Variants in DLGAP2 observed in about 807,000 individuals in gnomAD.
The protein encoded by DLGAP2 is disks large-associated protein 2.
Under a neutral mutation model 100.3 loss-of-function variants are expected in DLGAP2, and 26 were observed. The observed-to-expected ratio is 0.26, with a 90% CI of 0.19 to 0.36. DLGAP2 has a LOEUF of 0.36. DLGAP2 is among the 10% of genes least tolerant of loss of function. The pLI, the probability that DLGAP2 is intolerant of heterozygous loss-of-function variation, is 1.00. For synonymous variants in DLGAP2, 886 were observed against 630.1 expected, an observed-to-expected ratio of 1.41 and a Z score of -6.08; for missense variants, 1,858 against 1,453.2, an observed-to-expected ratio of 1.28 and a Z score of -4.53.
At chr8:787,629 C>G (rs1377785229) in intron 1 of DLGAP2, among the ~76,000 whole-genome samples, 3 of 152,298 alleles carry the variant, frequency 2.0e-5, no homozygotes, top group Middle Eastern at 6.8e-3. Context: ...TCAGGTTCCA[C>G]CAGCCGGTGG....
At chr8:1,117,808 T>C (rs1311729315) in intron 2 of DLGAP2, among the ~76,000 whole-genome samples, 1 of 151,922 alleles carries the variant, frequency 6.6e-6, no homozygotes, top group Non-Finnish European at 1.5e-5. Context: ...TGACACTCAC[T>C]TGGGCTCAGA....
chr8:1,650,970 T>G (rs1798148057), intron 8 of DLGAP2, among the ~76,000 whole-genome samples: 1 of 152,194 alleles, frequency 6.6e-6, no homozygotes, highest in African/African-American at 2.4e-5. Flanking sequence ...TTCCTGCCAT[T>G]GCTGCTGCTT....
At chr8:1,650,400 C>G (rs1003238400) in intron 8 of DLGAP2, among the ~76,000 whole-genome samples, 1 of 152,180 alleles carries the variant, frequency 6.6e-6, no homozygotes, top group South Asian at 2.1e-4. Flanking sequence ...AAATTGCTGT[C>G]TCTTCTAAAT....
At chr8:1,451,590 C>T (rs1037727596) in intron 3 of DLGAP2, among the ~76,000 whole-genome samples, 4 of 152,136 alleles carry the variant, frequency 2.6e-5, no homozygotes, top group Non-Finnish European at 5.9e-5. Context: ...ACCTGTTCCG[C>T]CTCCATCACA....
intron 2 of DLGAP2, among the ~76,000 whole-genome samples, chr8:1,201,856 C>G (rs6987953): frequency 6.6e-6 from 1 of 151,864 alleles, no homozygotes; most frequent in Non-Finnish European, 1.5e-5. Context: ...TGTATGTGTA[C>G]GGTATCTATC....
chr8:1,386,694 G>A (rs1007490526), intron 3 of DLGAP2, among the ~76,000 whole-genome samples: 18 of 152,160 alleles, frequency 1.2e-4, no homozygotes, highest in Non-Finnish European at 2.9e-5. Flanking sequence ...CAGGAACCAG[G>A]GATTCAGCCA....
chr8:1,644,388 G>C (rs1014110767), intron 8 of DLGAP2, among the ~76,000 whole-genome samples: 1 of 152,132 alleles, frequency 6.6e-6, no homozygotes, highest in African/African-American at 2.4e-5. Context: ...CTGCCCTCTC[G>C]CTCCCACCCG....
intron 3 of DLGAP2, among the ~76,000 whole-genome samples, chr8:1,444,116 C>G (rs946561387): frequency 3.3e-5 from 5 of 152,062 alleles, no homozygotes; most frequent in African/African-American, 1.2e-4. Context: ...CTTTTTGTCT[C>G]TCTCCGTTGC....
chr8:1,087,806 C>A (rs1804025494), intron 2 of DLGAP2, among the ~76,000 whole-genome samples: 1 of 152,202 alleles, frequency 6.6e-6, no homozygotes, highest in African/African-American at 2.4e-5. Flanking sequence ...TCCTGACCCT[C>A]CTGCTCCCTC....
chr8:1,299,011 G>A (rs928830657), intron 3 of DLGAP2, among the ~76,000 whole-genome samples: 2 of 152,218 alleles, frequency 1.3e-5, no homozygotes, highest in African/African-American at 4.8e-5. Flanking sequence ...AGGGAGCAAA[G>A]GTGGGCAAAG....
intron 3 of DLGAP2, among the ~76,000 whole-genome samples, chr8:1,429,822 TA>T (rs1043638548): frequency 6.7e-6 from 1 of 149,828 alleles, no homozygotes; most frequent in African/African-American, 2.5e-5. Flanking sequence ...TTTCTGTCCT[TA>T]AAAAAAATAA....
rs1050141003 is a variant in DLGAP2 at position 1,703,199 on chromosome 8, C to T, written c.*1793C>T. 3.9e-5 allele frequency: 6 copies of T among 152,502 alleles called. No homozygotes were observed. The highest frequency in any genetic ancestry group is 1.4e-4 in the African/African-American group (6 of 41,384). The allele number at this position is 152,502 out of a possible 1,614,324, so 9.4% of individuals were successfully genotyped here. ...TTAAGAATTCCCTGTAAAAACAAAA[C>T]CCTGTAAATTGAGCCTCATGTCTGG... On this transcript the variant is annotated 3_prime_UTR_variant, in exon 15 of 15. Transcript: ENST00000637795.
intron 1 of DLGAP2, among the ~76,000 whole-genome samples, chr8:905,464 C>T (rs1162260237): frequency 6.6e-6 from 1 of 152,158 alleles, no homozygotes; most frequent in Non-Finnish European, 1.5e-5. Context: ...CCCCCACAGC[C>T]CTTTTTCAAA....
chr8:882,940 C>G (rs1183583425), intron 1 of DLGAP2, among the ~76,000 whole-genome samples: 2 of 152,232 alleles, frequency 1.3e-5, no homozygotes, highest in African/African-American at 2.4e-5. Flanking sequence ...GGTAACTACT[C>G]AGGATTAATG....
intron 8 of DLGAP2, among the ~76,000 whole-genome samples, chr8:1,651,637 T>G (rs4398948): frequency 6.6e-6 from 1 of 152,032 alleles, no homozygotes; most frequent in Admixed American, 6.5e-5. Flanking sequence ...ACAGCTCCAA[T>G]GGCTTAAGCC....
intron 2 of DLGAP2, among the ~76,000 whole-genome samples, chr8:923,356 T>G (rs1289448102): frequency 1.3e-5 from 2 of 152,364 alleles, no homozygotes; most frequent in Admixed American, 1.3e-4. Flanking sequence ...TAGGAATGCG[T>G]GGAGGAAGAC....
At chr8:1,313,048 G>C (rs976863365) in intron 3 of DLGAP2, among the ~76,000 whole-genome samples, 2 of 152,186 alleles carry the variant, frequency 1.3e-5, no homozygotes, top group African/African-American at 2.4e-5. Flanking sequence ...ACATGTGCCT[G>C]CCGGCCACTG....
chr8:923,088 C>T (rs1326291865), intron 2 of DLGAP2, among the ~76,000 whole-genome samples: 1 of 152,022 alleles, frequency 6.6e-6, no homozygotes, highest in Non-Finnish European at 1.5e-5. Context: ...GGTGGGTGTT[C>T]CCTGACTGCA....
intron 8 of DLGAP2, among the ~76,000 whole-genome samples, chr8:1,654,059 C>A (rs990719735): frequency 6.6e-6 from 1 of 152,154 alleles, no homozygotes; most frequent in Non-Finnish European, 1.5e-5. Flanking sequence ...TAAAAATAAA[C>A]TCTCATCATC....
Sources: gnomAD v4.1 joint callset for allele counts (sites outside exome capture counted in the v4.1 genomes callset) on GRCh38, gnomAD v4.1.1 for gene constraint, MANE v1.5 for transcripts, NCBI Gene and HGNC (gene_info 2026-07-23, HGNC 2026-07-21) for gene names.